RAD54L2: variants seen among roughly 807,000 people sequenced by gnomAD.
RAD54L2 encodes the protein helicase ARIP4.
RAD54L2 carries 27 observed loss-of-function variants against 138.4 expected under a neutral mutation model. The ratio of observed to expected loss-of-function variants is 0.20; its 90% CI spans 0.14 to 0.27. The LOEUF (loss-of-function observed/expected upper bound fraction) is 0.27, where lower values mean the gene tolerates loss of function less well. Among genes scored for constraint, RAD54L2 ranks in the 10% least tolerant of loss-of-function variants. The probability of loss-of-function intolerance (pLI) is 1.00; values close to 1 mark genes in which losing one functional copy is unlikely to be tolerated. For missense variants in RAD54L2, 1,396 were observed against 1,890.2 expected, an observed-to-expected ratio of 0.74 and a Z score of 4.85; for synonymous variants, 644 against 723.2, an observed-to-expected ratio of 0.89 and a Z score of 1.76.
At chr3:51,557,216 G>T (rs1265099461) in intron 2 of RAD54L2, among the ~76,000 whole-genome samples, 2 of 126,520 alleles carry the variant, frequency 1.6e-5, no homozygotes, top group African/African-American at 6.2e-5. Flanking sequence ...TTGAGACAGG[G>T]TCTCACTCTG....
Position 51,596,567 on chromosome 3 carries a change from A to C in RAD54L2, c.139+6008A>C, listed in dbSNP as rs550824379. ...GGATCCAGTTCCTAGTTTCACTCCA[A>C]AATTTCAGCTATTTTCTAGATATAT... On this transcript the variant is annotated intron_variant, in intron 3 of 22. Transcript: ENST00000684192. Among the ~76,000 whole-genome samples, 3 of 152,290 alleles carry C rather than the reference A, an allele frequency of 2.0e-5. No homozygotes were observed. The South Asian group carries it at 6.2e-4, about 32-fold the overall frequency.
intron 2 of RAD54L2, among the ~76,000 whole-genome samples, chr3:51,586,347 G>C (rs1367408947): frequency 6.6e-6 from 1 of 151,872 alleles, no homozygotes. Flanking sequence ...TGAACTCCTG[G>C]GCTCAAGCAA....
At chr3:51,581,258 C>T (rs956598022) in intron 2 of RAD54L2, among the ~76,000 whole-genome samples, 1 of 152,214 alleles carries the variant, frequency 6.6e-6, no homozygotes, top group African/African-American at 2.4e-5. Context: ...CCACCACAAC[C>T]GGCTAATTTT....
chr3:51,637,031 G>C lies in RAD54L2; in HGVS notation c.1340-130G>C. 1 of 789,784 alleles carries C rather than the reference G, an allele frequency of 1.3e-6. No individual in the cohort carries two copies. Among genetic ancestry groups the C allele is most frequent in the Admixed American group, 2.2e-5 (1 of 45,190 alleles). The allele number at this position is 789,784 out of a possible 1,614,324, so 48.9% of individuals were successfully genotyped here. ...GAATGGCTGGCACCCTCTCACCAAG[G>C]GGGGCTGACTCTTGCTTTCCTGCTT... is the stretch of plus-strand genomic sequence containing the variant. On this transcript the variant is annotated intron_variant, in intron 10 of 22. Coordinates refer to ENST00000684192, the MANE Select transcript of RAD54L2 (RefSeq NM_015106.4). This position sits in a 1 kb window ranked among gnomAD's most constrained non-coding sequence, Gnocchi z 5.9.
chr3:51,590,410 C>T lies in RAD54L2; in HGVS notation c.-11C>T, dbSNP rs982820370. The T allele has an allele frequency of 1.4e-5, 21 of 1,525,058 alleles. No individual in the cohort carries two copies. In the African/African-American group the frequency reaches 1.8e-4, roughly 13 times the overall value. The allele number at this position is 1,525,058 out of a possible 1,614,324, so 94.5% of individuals were successfully genotyped here. A position where few individuals can be genotyped will look rare whatever the true frequency, so the allele number is the denominator to read the frequency against. On this transcript the variant is annotated 5_prime_UTR_variant, in exon 3 of 23. Coordinates refer to ENST00000684192, the MANE Select transcript of RAD54L2 (RefSeq NM_015106.4). ...TGAGTCGGTAATGCCCACTGAGGACCTCTGGGAGCCATGTCAGACGAATCT... is the reference window on the plus strand; with the variant it reads ...TGAGTCGGTAATGCCCACTGAGGACTTCTGGGAGCCATGTCAGACGAATCT...
chr3:51,557,728 G>A (rs1473986591), intron 2 of RAD54L2, among the ~76,000 whole-genome samples: 8 of 150,030 alleles, frequency 5.3e-5, no homozygotes, highest in Non-Finnish European at 8.9e-5. Flanking sequence ...TACTTGGAAG[G>A]CTGAGGCAGG....
chr3:51,565,311 G>A (rs533067706), intron 2 of RAD54L2, among the ~76,000 whole-genome samples: 5 of 152,188 alleles, frequency 3.3e-5, no homozygotes, highest in Admixed American at 2.0e-4. Flanking sequence ...TGGAAGAATC[G>A]CTTGAGCCTG....
intron 3 of RAD54L2, among the ~76,000 whole-genome samples, chr3:51,595,214 A>C (rs1401859410): frequency 2.0e-5 from 3 of 152,154 alleles, no homozygotes; most frequent in African/African-American, 7.2e-5. Flanking sequence ...GACTTCAGGA[A>C]TGGTACTCTA....
In RAD54L2 at chr3:51,598,094, G is replaced by T. The variant is rs563085272; in HGVS notation, c.139+7535G>T. Among the ~76,000 whole-genome samples the T allele has an allele frequency of 7.6e-5, 11 of 144,548 alleles. No homozygotes were observed. The South Asian group carries it at 1.3e-3, about 17-fold the overall frequency. 94.8% of individuals were successfully genotyped at this position (144,548 alleles called of 152,430 possible). On this transcript the variant is annotated intron_variant, in intron 3 of 22. Coordinates refer to ENST00000684192, the MANE Select transcript of RAD54L2 (RefSeq NM_015106.4). ...GTGGTATTAAGCCTAAAATACCCAT[G>T]ATATATATATATATATGTGTGTGTG...
intron 2 of RAD54L2, among the ~76,000 whole-genome samples, chr3:51,587,214 C>T (rs1699730195): frequency 6.6e-6 from 1 of 151,984 alleles, no homozygotes; most frequent in African/African-American, 2.4e-5. Context: ...CATTCTCCTG[C>T]CTCAGCCTCC....
At chr3:51,596,822 A>G (rs1302407628) in intron 3 of RAD54L2, among the ~76,000 whole-genome samples, 7 of 152,090 alleles carry the variant, frequency 4.6e-5, no homozygotes, top group African/African-American at 1.7e-4. Context: ...TGCTCATCCA[A>G]ATTGTTTGGC....
chr3:51,605,071 A>G (rs1230240757), intron 3 of RAD54L2, among the ~76,000 whole-genome samples: 1 of 145,518 alleles, frequency 6.9e-6, no homozygotes, highest in Non-Finnish European at 1.5e-5. Flanking sequence ...TACAGGTGTG[A>G]GCCACCATAC....
chr3:51,581,604 G>A (rs970069493), intron 2 of RAD54L2, among the ~76,000 whole-genome samples: 5 of 152,102 alleles, frequency 3.3e-5, no homozygotes, highest in African/African-American at 1.2e-4. Flanking sequence ...TATCGGTCTG[G>A]GCTCGAAAGC....
chr3:51,562,532 T>G (rs1384076879), intron 2 of RAD54L2, among the ~76,000 whole-genome samples: 1 of 152,076 alleles, frequency 6.6e-6, no homozygotes, highest in African/African-American at 2.4e-5. Context: ...GCCCTGCCAT[T>G]TTTTGTATTT....
At chr3:51,607,889 G>GC (rs1179963224) in intron 3 of RAD54L2, among the ~76,000 whole-genome samples, 1 of 141,892 alleles carries the variant, frequency 7.0e-6, no homozygotes, top group Non-Finnish European at 1.5e-5. Context: ...GGCGGGGGCT[G>GC]CCCCCCACCT....
chr3:51,663,498 T>C lies in RAD54L2; in HGVS notation c.*78T>C. ...GCTGAAAGGCAGTGATTTAGACCTT[T>C]TGAGAATAGGACACTTGGCAGGAGG... On this transcript the variant is annotated 3_prime_UTR_variant, in exon 23 of 23. Coordinates refer to ENST00000684192, the MANE Select transcript of RAD54L2 (RefSeq NM_015106.4). 1.4e-6 allele frequency: 2 copies of C among 1,474,254 alleles called. No individual in the cohort carries two copies. The highest frequency in any genetic ancestry group is 1.3e-5 in the South Asian group (1 of 76,306). 91.3% of individuals were successfully genotyped at this position (1,474,254 alleles called of 1,614,324 possible).
At chr3:51,595,861 G>C (rs1410929382) in intron 3 of RAD54L2, among the ~76,000 whole-genome samples, 1 of 151,496 alleles carries the variant, frequency 6.6e-6, no homozygotes, top group Non-Finnish European at 1.5e-5. Flanking sequence ...TTAAAGGTAG[G>C]GGTTCAAAAT....
At position 51,662,929 on chromosome 3, in the gene RAD54L2, C is replaced by G. The variant is rs1701821172; in HGVS notation, c.3913C>G (p.Leu1305Val). 1.2e-6 allele frequency: 2 copies of G among 1,613,724 alleles called. No individual in the cohort carries two copies. Among genetic ancestry groups the G allele is most frequent in the South Asian group, 2.2e-5 (2 of 91,056 alleles). ...GCCACCCGTCTCCTTAAACCATAAC[C>G]TCACCACCCCCTTCACCTCCCAGGC... ...AMPPVSLNHNLTTPFTSQAGE... is the reference protein window; with the variant it reads ...AMPPVSLNHNVTTPFTSQAGE... Residue 1305 changes from leucine (L) to valine (V), a missense_variant, in exon 23 of 23, where the codon CTC (leucine) becomes GTC (valine). Leu to Val is a conservative substitution (Grantham distance 32). Transcript: ENST00000684192. The surrounding 1 kb of genome is among the most constrained non-coding windows in gnomAD (Gnocchi z 4.6).
intron 19 of RAD54L2, among the ~76,000 whole-genome samples, chr3:51,653,828 G>A (rs1482383382): frequency 1.6e-4 from 24 of 152,126 alleles, no homozygotes; most frequent in Admixed American, 1.6e-3. Context: ...AATACCTAAT[G>A]TTAAATGACG....
Sources: gnomAD v4.1 joint callset for allele counts (sites outside exome capture counted in the v4.1 genomes callset) on GRCh38, gnomAD v4.1.1 for gene constraint, Gnocchi (gnomAD v3.1) non-coding constraint, MANE v1.5 for transcripts, NCBI Gene and HGNC (gene_info 2026-07-23, HGNC 2026-07-21) for gene names.